Variants in BRIP1 observed in about 807,000 individuals in gnomAD.
The protein encoded by BRIP1 is BRCA1 interacting DNA helicase 1.
BRIP1 carries 88 observed loss-of-function variants against 119.7 expected under a neutral mutation model. The observed-to-expected ratio is 0.74, with a 90% CI of 0.62 to 0.88. The LOEUF (loss-of-function observed/expected upper bound fraction) is 0.88, where lower values mean the gene tolerates loss of function less well. Ranked by LOEUF, BRIP1 falls within the 40% of genes least tolerant of loss-of-function variation. The pLI is 0.00. For missense variants in BRIP1, 1,259 were observed against 1,455.4 expected (o/e 0.87, Z 2.20); for synonymous variants, 443 against 496.5 (o/e 0.89, Z 1.43).
intron 16 of BRIP1, among the ~76,000 whole-genome samples, chr17:61,721,092 T>C (rs146140063): frequency 0.023 from 3,490 of 152,216 alleles, 64 homozygotes; most frequent in Non-Finnish European, 0.033. Context: ...TCCACCTGCA[T>C]TGGCCTCCCA....
chr17:61,680,826 C>T lies in BRIP1; in HGVS notation c.*2470G>A, dbSNP rs1392828416. The stretch of plus-strand genomic sequence containing the variant: ...TCAAAATGTTTTAATTGTAGCATTG[C>T]GAAAATAAATATCTAGCTTTCCAAG... On this transcript the variant is annotated 3_prime_UTR_variant, in exon 20 of 20. Coordinates refer to ENST00000259008, the MANE Select transcript of BRIP1 (RefSeq NM_032043.3). Among the ~76,000 whole-genome samples, 3 of 152,084 alleles carry T rather than the reference C, an allele frequency of 2.0e-5. No individual in the cohort carries two copies. The highest frequency in any genetic ancestry group is 7.2e-5 in the African/African-American group (3 of 41,396).
Position 61,752,264 on chromosome 17 carries a change from A to G in BRIP1, c.2098-7673T>C, listed in dbSNP as rs548629954. Among the ~76,000 whole-genome samples, 3 of 152,320 alleles carry G rather than the reference A, an allele frequency of 2.0e-5. No individual in the cohort carries two copies. Among genetic ancestry groups the G allele is most frequent in the African/African-American group, 7.2e-5 (3 of 41,592 alleles). On this transcript the variant is annotated intron_variant, in intron 14 of 19. Transcript: ENST00000259008. The surrounding 1 kb of genome is among the most constrained non-coding windows in gnomAD (Gnocchi z 6.2). ...AATATGATGAGTTAGAGGAGGGGTT[A>G]TAACAGGTACATTTAGGCTACTAAT...
Position 61,780,168 on chromosome 17 carries a change from T to C in BRIP1, c.1935+93A>G. On this transcript the variant is annotated intron_variant, in intron 13 of 19. Transcript: ENST00000259008. The surrounding 1 kb of genome is among the most constrained non-coding windows in gnomAD (Gnocchi z 5.4). ...TGTTGAATTTCCTACCAAGATTTACTTGCTGGCACTTCAGGTATCTTCTAA... is the reference window on the plus strand; with the variant it reads ...TGTTGAATTTCCTACCAAGATTTACCTGCTGGCACTTCAGGTATCTTCTAA... 1 of 1,337,940 alleles carries C rather than the reference T, an allele frequency of 7.5e-7. No individual in the cohort carries two copies. The highest frequency in any genetic ancestry group is 1.1e-6 in the Non-Finnish European group (1 of 950,220). The allele number at this position is 1,337,940 out of a possible 1,614,324, so 82.9% of individuals were successfully genotyped here. A position where few individuals can be genotyped will look rare whatever the true frequency, so the allele number is the denominator to read the frequency against.
chr17:61,731,218 CA>C (rs1337945825), intron 16 of BRIP1, among the ~76,000 whole-genome samples: 1 of 152,046 alleles, frequency 6.6e-6, no homozygotes, highest in Non-Finnish European at 1.5e-5. Context: ...TAAGTATTTC[CA>C]AAAATTCCAA....
chr17:61,788,659 T>C (rs910836752), intron 10 of BRIP1, among the ~76,000 whole-genome samples: 5 of 152,074 alleles, frequency 3.3e-5, no homozygotes, highest in African/African-American at 9.7e-5. Flanking sequence ...TTCACACATA[T>C]ATGAAAATTA....
rs2078376627 is a variant in BRIP1, at chr17:61,824,574, T to C, written c.628-15817A>G. On this transcript the variant is annotated intron_variant, in intron 6 of 19. Coordinates refer to ENST00000259008, the MANE Select transcript of BRIP1 (RefSeq NM_032043.3). The surrounding 1 kb of genome is among the most constrained non-coding windows in gnomAD (Gnocchi z 4.3). Reference sequence around the variant, plus strand: ...ATTCAATGGGAAAAGAACAGTTTTTTCAACAAATGGTGCAGGGAAACCTGG... The same window carrying C: ...ATTCAATGGGAAAAGAACAGTTTTTCCAACAAATGGTGCAGGGAAACCTGG... 6.6e-6 allele frequency among the ~76,000 whole-genome samples: 1 copy of C among 152,152 alleles called. No homozygotes were observed. Among genetic ancestry groups the C allele is most frequent in the South Asian group, 2.1e-4 (1 of 4,824 alleles).
At position 61,744,578 on chromosome 17, in the gene BRIP1, A is replaced by C. The variant is rs1057517643; in HGVS notation, c.2111T>G (p.Leu704Ter). 1 of 1,613,280 alleles carries C rather than the reference A, an allele frequency of 6.2e-7. No homozygotes were observed. Among genetic ancestry groups the C allele is most frequent in the Non-Finnish European group, 8.5e-7 (1 of 1,179,362 alleles). Residue 704 changes from leucine (L) to a stop codon, truncating the protein, a stop_gained, in exon 15 of 20, where the codon TTA becomes TGA. Transcript: ENST00000259008. LOFTEE classifies it high-confidence loss of function. This position sits in a 1 kb window ranked among gnomAD's most constrained non-coding sequence, Gnocchi z 5.0. ...FLPSYKLLEKLKERWLSTGLW... is the reference protein window; with the variant it reads ...FLPSYKLLEK Reference sequence around the variant, plus strand: ...ACCAGTAGAGAGCCAACGTTCTTTTAATTTTTCTAATAACTAAAGAGGGGA... The same window carrying C: ...ACCAGTAGAGAGCCAACGTTCTTTTCATTTTTCTAATAACTAAAGAGGGGA...
At chr17:61,782,923 G>A (rs2077645674) in intron 11 of BRIP1, among the ~76,000 whole-genome samples, 1 of 152,204 alleles carries the variant, frequency 6.6e-6, no homozygotes, top group South Asian at 2.1e-4. Context: ...GTAGAAATTG[G>A]AACCCTTGTG....
At chr17:61,817,937 C>A (rs918780368) in intron 6 of BRIP1, among the ~76,000 whole-genome samples, 7 of 152,140 alleles carry the variant, frequency 4.6e-5, no homozygotes, top group Admixed American at 4.6e-4. Flanking sequence ...AACTACTTTT[C>A]TTAATCTTTT....
chr17:61,783,531 C>T (rs796995876), intron 11 of BRIP1, among the ~76,000 whole-genome samples: 5 of 151,364 alleles, frequency 3.3e-5, no homozygotes, highest in South Asian at 4.2e-4. Flanking sequence ...GAGTTGTATA[C>T]GTAAAATGGT....
chr17:61,855,210 G>A (rs977396656), intron 4 of BRIP1, among the ~76,000 whole-genome samples: 1 of 152,178 alleles, frequency 6.6e-6, no homozygotes, highest in East Asian at 1.9e-4. Flanking sequence ...AGTGAATATG[G>A]GGTTGGTGTG....
At chr17:61,714,413 C>G (rs2061826169) in intron 17 of BRIP1, among the ~76,000 whole-genome samples, 1 of 152,056 alleles carries the variant, frequency 6.6e-6, no homozygotes, top group Admixed American at 6.6e-5. Context: ...TGTACTTTTT[C>G]TACACTTATA....
At position 61,853,475 on chromosome 17, in the gene BRIP1, C is replaced by G. The variant is rs1457252923; in HGVS notation, c.379+3583G>C. Among the ~76,000 whole-genome samples, 1 of 151,896 alleles carries G rather than the reference C, an allele frequency of 6.6e-6. No individual in the cohort carries two copies. Among genetic ancestry groups the G allele is most frequent in the African/African-American group, 2.4e-5 (1 of 41,362 alleles). On this transcript the variant is annotated intron_variant, in intron 4 of 19. Coordinates refer to ENST00000259008, the MANE Select transcript of BRIP1 (RefSeq NM_032043.3). The surrounding 1 kb of genome is among the most constrained non-coding windows in gnomAD (Gnocchi z 4.3). The stretch of plus-strand genomic sequence containing the variant: ...TTTGCATTTTTCTATATTTAGGTTA[C>G]AGATTAAAGGATTTACTTACAAATA...
At chr17:61,737,509 C>T (rs2076934294) in intron 16 of BRIP1, among the ~76,000 whole-genome samples, 2 of 152,064 alleles carry the variant, frequency 1.3e-5, no homozygotes, top group East Asian at 1.9e-4. Flanking sequence ...CACCAAAGCA[C>T]AGGCAACAAA....
At position 61,759,881 on chromosome 17, in the gene BRIP1, A is replaced by G. The variant is rs2077252522; in HGVS notation, c.2098-15290T>C. ...TGACACAGGGTTGCCACAAACCTTT[A>G]ATTTATGAAAAAAAAAAAACCCAGA... On this transcript the variant is annotated intron_variant, in intron 14 of 19. Transcript: ENST00000259008. This position sits in a 1 kb window ranked among gnomAD's most constrained non-coding sequence, Gnocchi z 4.9. Among the ~76,000 whole-genome samples, 1 of 145,062 alleles carries G rather than the reference A, an allele frequency of 6.9e-6. No individual in the cohort carries two copies. Among genetic ancestry groups the G allele is most frequent in the African/African-American group, 2.4e-5 (1 of 40,884 alleles).
intron 10 of BRIP1, among the ~76,000 whole-genome samples, chr17:61,787,576 T>G (rs1049271881): frequency 6.6e-6 from 1 of 150,790 alleles, no homozygotes; most frequent in Non-Finnish European, 1.5e-5. Flanking sequence ...AACATCTCAA[T>G]AAAGGGTGCA....
In BRIP1 at chr17:61,758,168, G is replaced by A. The variant is rs1358811279; in HGVS notation, c.2098-13577C>T. On this transcript the variant is annotated intron_variant, in intron 14 of 19. Coordinates refer to ENST00000259008, the MANE Select transcript of BRIP1 (RefSeq NM_032043.3). The surrounding 1 kb of genome is among the most constrained non-coding windows in gnomAD (Gnocchi z 5.3). ...AGTTAAAATGTATATAATCTGACTT[G>A]TTTTGCTTTTTAAAAATGAAGAACT... 4.6e-5 allele frequency among the ~76,000 whole-genome samples: 7 copies of A among 152,116 alleles called. No individual in the cohort carries two copies. In the East Asian group the frequency reaches 1.2e-3, roughly 25 times the overall value.
intron 17 of BRIP1, among the ~76,000 whole-genome samples, chr17:61,715,455 T>C (rs546929614): frequency 2.8e-4 from 43 of 152,148 alleles, no homozygotes; most frequent in African/African-American, 9.9e-4. Context: ...GGCAGTAAAA[T>C]AGATTTTGTT....
At position 61,825,154 on chromosome 17, in the gene BRIP1, G is replaced by A. The variant is rs937580681; in HGVS notation, c.628-16397C>T. Among the ~76,000 whole-genome samples, 4 of 151,828 alleles carry A rather than the reference G, an allele frequency of 2.6e-5. No homozygotes were observed. The highest frequency in any genetic ancestry group is 4.8e-5 in the African/African-American group (2 of 41,318). On this transcript the variant is annotated intron_variant, in intron 6 of 19. Coordinates refer to ENST00000259008, the MANE Select transcript of BRIP1 (RefSeq NM_032043.3). This position sits in a 1 kb window ranked among gnomAD's most constrained non-coding sequence, Gnocchi z 4.1. The stretch of plus-strand genomic sequence containing the variant: ...CAAAAAATTAGCTGGGCAAGGTGGC[G>A]GGCACCTGTAGTCTCAGCTACTAGG...
Sources: gnomAD v4.1 joint callset for allele counts (sites outside exome capture counted in the v4.1 genomes callset) on GRCh38, gnomAD v4.1.1 for gene constraint, Gnocchi (gnomAD v3.1) non-coding constraint, MANE v1.5 for transcripts, NCBI Gene and HGNC (gene_info 2026-07-23, HGNC 2026-07-21) for gene names.